PIN4: variants seen among roughly 807,000 people sequenced by gnomAD.
PIN4 encodes the protein peptidyl-prolyl cis-trans isomerase NIMA-interacting 4.
A neutral mutation model predicts 8.3 loss-of-function variants in PIN4; 3 were observed. The observed-to-expected ratio is 0.36, with a 90% CI of 0.16 to 0.93. The LOEUF (loss-of-function observed/expected upper bound fraction) is 0.93. Ranked by LOEUF, PIN4 falls within the 40% of genes least tolerant of loss-of-function variation. The probability of loss-of-function intolerance (pLI) is 0.44; values close to 1 mark genes in which losing one functional copy is unlikely to be tolerated. For synonymous variants in PIN4, 18 were observed against 32.5 expected (o/e 0.55, Z 1.52); for missense variants, 75 against 100.6 (o/e 0.75, Z 1.09).
rs2042773447 is a variant in PIN4 at position 72,197,583 on chromosome X, A to T, written c.*57A>T. The T allele has an allele frequency of 5.3e-5, 61 of 1,143,780 alleles. No homozygotes were observed. The South Asian group carries it at 1.2e-3, about 22-fold the overall frequency. The allele number at this position is 1,143,780 out of a possible 1,213,427, so 94.3% of individuals were successfully genotyped here. On this transcript the variant is annotated 3_prime_UTR_variant, in exon 4 of 4. Transcript: ENST00000373669. ...ATTTTGTTTCTTTAAAAGGTATTAC[A>T]TATTCTTTTGAGCTGGAGCTGCAAG...
chrX:72,205,036 TACAAACTTA>T, intron 3 of PIN4: 1 of 1,199,517 alleles, frequency 8.3e-7, no homozygotes, highest in Non-Finnish European at 1.1e-6. Context: ...AAGTTGCTTA[TACAAACTTA>T]AAGTCAAGAG....
At chrX:72,223,867 A>G (rs190927349) in intron 3 of PIN4, among the ~76,000 whole-genome samples, 44 of 111,412 alleles carry the variant, frequency 3.9e-4, no homozygotes, top group African/African-American at 1.4e-3. Flanking sequence ...AACCCTGGAC[A>G]CTGGGCAAAG....
chrX:72,212,830 C>G (rs1432531624), intron 3 of PIN4, among the ~76,000 whole-genome samples: 1 of 111,032 alleles, frequency 9.0e-6, no homozygotes, highest in African/African-American at 3.3e-5. Context: ...CTAGACCCAG[C>G]TACTGGGAGG....
chrX:72,197,696 A>C lies in PIN4; in HGVS notation c.*170A>C. On this transcript the variant is annotated 3_prime_UTR_variant, in exon 4 of 4. Coordinates refer to ENST00000373669, the MANE Select transcript of PIN4 (RefSeq NM_006223.4). ...AAGTATGGGTTTGTAGGTGTAAGAG[A>C]GGGTGGGGCTAAGTGAATGTCAACT... The C allele has an allele frequency of 2.9e-6, 3 of 1,023,222 alleles. No homozygotes were observed. The highest frequency in any genetic ancestry group is 3.7e-6 in the Non-Finnish European group (3 of 801,900). 84.3% of individuals were successfully genotyped at this position (1,023,222 alleles called of 1,213,427 possible).
chrX:72,230,083 G>A (rs1390660862), intron 3 of PIN4, among the ~76,000 whole-genome samples: 2 of 109,964 alleles, frequency 1.8e-5, no homozygotes, highest in African/African-American at 6.6e-5. Context: ...GCTGAGGCAG[G>A]AGAATGGCAT....
chrX:72,202,107 C>A (rs1292492727), downstream of PIN4, among the ~76,000 whole-genome samples: 1 of 112,798 alleles, frequency 8.9e-6, no homozygotes, highest in African/African-American at 3.2e-5. Context: ...GCCTTATGTT[C>A]CCTGCCTCCA....
chrX:72,207,679 C>G (rs1184080116), intron 3 of PIN4: 1 of 1,208,665 alleles, frequency 8.3e-7, no homozygotes, highest in Non-Finnish European at 1.1e-6. Context: ...ATCATTTTTC[C>G]TGGAAAGGGA....
At chrX:72,230,085 G>A (rs1036509651) in intron 3 of PIN4, among the ~76,000 whole-genome samples, 4 of 109,805 alleles carry the variant, frequency 3.6e-5, no homozygotes, top group African/African-American at 1.3e-4. Flanking sequence ...TGAGGCAGGA[G>A]AATGGCATGA....
chrX:72,255,463 A>C (rs920081407), intron 3 of PIN4, among the ~76,000 whole-genome samples: 11 of 108,951 alleles, frequency 1.0e-4, no homozygotes, highest in Non-Finnish European at 1.7e-4. Context: ...GCGGCTGAGA[A>C]GGCTGCGGCC....
chrX:72,189,451 T>C (rs193058270), intron 2 of PIN4, among the ~76,000 whole-genome samples: 15 of 112,111 alleles, frequency 1.3e-4, no homozygotes, highest in Admixed American at 3.8e-4. Flanking sequence ...AATGGAATAA[T>C]ACAGTATGTA....
intron 3 of PIN4, among the ~76,000 whole-genome samples, chrX:72,216,889 C>A (rs1190981897): frequency 4.5e-5 from 5 of 112,001 alleles, no homozygotes; most frequent in African/African-American, 1.6e-4. Flanking sequence ...GAGAATTTTT[C>A]ATTTTTAGTT....
chrX:72,205,355 C>T (rs1216228000), intron 3 of PIN4: 1 of 1,210,463 alleles, frequency 8.3e-7, no homozygotes, highest in East Asian at 3.0e-5. Flanking sequence ...TACTTGGAGG[C>T]TTCGCCACTG....
At chrX:72,185,459 C>T (rs1239676047) in intron 1 of PIN4, among the ~76,000 whole-genome samples, 1 of 112,207 alleles carries the variant, frequency 8.9e-6, no homozygotes, top group Non-Finnish European at 1.9e-5. Context: ...CTGTCCATAA[C>T]CATCTCTGCA....
intron 3 of PIN4, among the ~76,000 whole-genome samples, chrX:72,248,148 T>G (rs2043073758): frequency 9.1e-6 from 1 of 109,460 alleles, no homozygotes; most frequent in Non-Finnish European, 1.9e-5. Flanking sequence ...GTTCAATGAG[T>G]GTCCTCTGGT....
Position 72,218,046 on chromosome X carries a change from G to A in PIN4, c.312+21142G>A, listed in dbSNP as rs768467882. Among the ~76,000 whole-genome samples, 28 of 111,026 alleles carry A rather than the reference G, an allele frequency of 2.5e-4. No individual in the cohort carries two copies. In the East Asian group the frequency reaches 7.7e-3, roughly 31 times the overall value. On this transcript the variant is annotated intron_variant, in intron 3 of 3. Transcript: ENST00000423432. ...AGCACTTTGGAAGGCCAAGGCAGGC[G>A]GATCAGGAGGTCAGGAGATCGAGAC...
At chrX:72,196,254 G>A (rs1281531554) in intron 2 of PIN4, among the ~76,000 whole-genome samples, 3 of 109,978 alleles carry the variant, frequency 2.7e-5, no homozygotes, top group Non-Finnish European at 5.7e-5. Flanking sequence ...GGAGCTTCCC[G>A]GCCGTGAGCG....
intron 3 of PIN4, among the ~76,000 whole-genome samples, chrX:72,203,769 C>T (rs1249979293): frequency 8.9e-6 from 1 of 111,926 alleles, no homozygotes; most frequent in Middle Eastern, 4.6e-3. Context: ...ATTCTCCCTT[C>T]ACCTCAAAAG....
At chrX:72,224,746 A>AAAAC (rs1014408205) in intron 3 of PIN4, among the ~76,000 whole-genome samples, 42 of 111,445 alleles carry the variant, frequency 3.8e-4, no homozygotes, top group Middle Eastern at 4.7e-3. Flanking sequence ...ACTCTGTCTC[A>AAAAC]AAACAAACAA....
At chrX:72,256,763 C>T (rs2043112703) in intron 3 of PIN4, among the ~76,000 whole-genome samples, 1 of 111,809 alleles carries the variant, frequency 8.9e-6, no homozygotes, top group Admixed American at 9.5e-5. Context: ...TCACTGAGAA[C>T]GTATGTTTTG....
Sources: allele counts gnomAD v4.1 joint callset (sites outside exome capture counted in the v4.1 genomes callset), GRCh38; gene constraint gnomAD v4.1.1; transcripts MANE v1.5; gene names NCBI Gene and HGNC (gene_info 2026-07-23, HGNC 2026-07-21).